The following ZAN variants were observed in gnomAD, a reference collection of about 807,000 sequenced individuals.
ZAN encodes the protein zonadhesin.
In ZAN, 260 loss-of-function variants were observed where a neutral mutation model predicts 286.2. That is an observed-to-expected ratio of 0.91 (90% confidence interval 0.82 to 1.01). The LOEUF (loss-of-function observed/expected upper bound fraction) is 1.01. Ranked by LOEUF, ZAN falls within the 50% of genes least tolerant of loss-of-function variation. ZAN has a pLI of 0.00. For missense variants in ZAN, 3,410 were observed against 3,639.2 expected (o/e 0.94, Z 1.62); for synonymous variants, 1,368 against 1,417.5 (o/e 0.97, Z 0.79).
rs1320007162 is a variant in ZAN, at chr7:100,734,676, GAA to G, written c.53+457_53+458del. ...AGGAAGGGGGAAACCCGGTGGGATG[GAA>G]ATGGGTTGACCTTGACTGCTGAACA... is the stretch of plus-strand genomic sequence containing the variant. On this transcript the variant is annotated intron_variant, in intron 2 of 47. Coordinates refer to ENST00000613979, the MANE Select transcript of ZAN (RefSeq NM_003386.3). 2.1e-5 allele frequency among the ~76,000 whole-genome samples: 3 copies of G among 140,128 alleles called. 1 individual carries two copies. The highest frequency in any genetic ancestry group is 7.8e-5 in the African/African-American group (3 of 38,370). 91.9% of individuals were successfully genotyped at this position (140,128 alleles called of 152,430 possible).
At chr7:100,754,700 C>T (rs1383119913) in intron 14 of ZAN, among the ~76,000 whole-genome samples, 1 of 151,700 alleles carries the variant, frequency 6.6e-6, no homozygotes, top group Non-Finnish European at 1.5e-5. Flanking sequence ...AACGGGGTTT[C>T]ACCATGTTGG....
At position 100,752,568 on chromosome 7, in the gene ZAN, A is replaced by AC; in HGVS notation, c.2466dup (p.Thr823HisfsTer5). ...AAAAACCCAGCATCCCCATGGAAAA[A>AC]CCCACTCTCCCCACTGAAGAAACCA... On this transcript the variant is annotated frameshift_variant, in exon 14 of 48. Transcript: ENST00000613979. LOFTEE classifies it high-confidence loss of function. The AC allele has an allele frequency of 6.2e-7, 1 of 1,612,174 alleles. No individual in the cohort carries two copies. Among genetic ancestry groups the AC allele is most frequent in the African/African-American group, 1.3e-5 (1 of 74,404 alleles).
At chr7:100,770,147 G>A (rs1248563093) in intron 28 of ZAN, among the ~76,000 whole-genome samples, 173 bp downstream of exon 28, 3 of 151,912 alleles carry the variant, frequency 2.0e-5, no homozygotes, top group African/African-American at 7.3e-5. Flanking sequence ...TATGACTGAT[G>A]GGTCTGTATT....
intron 7 of ZAN, among the ~76,000 whole-genome samples, chr7:100,745,396 C>G (rs1421187333): frequency 6.6e-6 from 1 of 151,700 alleles, no homozygotes; most frequent in Middle Eastern, 3.2e-3. Flanking sequence ...GAGCGCGCTC[C>G]CCACGAGTGG....
chr7:100,765,262 C>G, intron 22 of ZAN, 90 bp from the exon 23 acceptor site: 1 of 1,394,146 alleles, frequency 7.2e-7, no homozygotes, highest in Non-Finnish European at 9.9e-7. Context: ...AAGCCTGGAG[C>G]TGGGGCCCTT....
chr7:100,789,265 G>A lies in ZAN; in HGVS notation c.7275G>A (p.Leu2425=), dbSNP rs778957466. Reference sequence around the variant, plus strand: ...TCCCCTACAGGCCAAATGAACACCTGCGGGTCACCCTGTGGGGCCAACGGC... The same window carrying A: ...TCCCCTACAGGCCAAATGAACACCTACGGGTCACCCTGTGGGGCCAACGGC... ...MAVPYRPNEH[L]RVTLWGQRLY... is the part of the protein sequence containing the mutation. The change falls in exon 39 of 48, where the codon CTG becomes CTA. Residue 2425 remains leucine (L), a synonymous_variant. Transcript: ENST00000613979. The A allele has an allele frequency of 3.1e-6, 5 of 1,613,918 alleles. No individual in the cohort carries two copies. Among genetic ancestry groups the A allele is most frequent in the Admixed American group, 1.7e-5 (1 of 59,994 alleles).
At chr7:100,761,597 G>C (rs963635931) in intron 19 of ZAN, among the ~76,000 whole-genome samples, 1 of 152,056 alleles carries the variant, frequency 6.6e-6, no homozygotes, top group African/African-American at 2.4e-5. Context: ...TTGCACCACT[G>C]TGCTCCAGCC....
In ZAN at chr7:100,773,295, C is replaced by T. The variant is rs773544090; in HGVS notation, c.5436C>T (p.Cys1812=). Residue 1812 remains cysteine (C), a synonymous_variant, in exon 30 of 48, where the codon TGC becomes TGT. Coordinates refer to ENST00000613979, the MANE Select transcript of ZAN (RefSeq NM_003386.3). ...TCTCATTTTCTTTAGCTATGAGGTGCCCACCTGGCAGCAGCTACAGCCCCT... is the reference window on the plus strand; with the variant it reads ...TCTCATTTTCTTTAGCTATGAGGTGTCCACCTGGCAGCAGCTACAGCCCCT... ...WRNRTFCPMR[C]PPGSSYSPCS... 3.1e-6 allele frequency: 5 copies of T among 1,613,144 alleles called. No individual in the cohort carries two copies. In the African/African-American group the frequency reaches 6.7e-5, roughly 22 times the overall value.
chr7:100,776,371 A>AGAAG (rs2116177105), intron 33 of ZAN, 69 bp from the exon 34 acceptor site: 1 of 1,511,696 alleles, frequency 6.6e-7, no homozygotes, highest in Non-Finnish European at 8.9e-7. Flanking sequence ...AGGGAAGGAA[A>AGAAG]GAAGGAAGGA....
Position 100,762,334 on chromosome 7 carries a change from A to G in ZAN, c.3962A>G (p.Gln1321Arg). The G allele has an allele frequency of 6.2e-7, 1 of 1,612,970 alleles. No homozygotes were observed. Among genetic ancestry groups the G allele is most frequent in the South Asian group, 1.1e-5 (1 of 91,020 alleles). Residue 1321 changes from glutamine to arginine, a missense_variant, in exon 20 of 48, where the codon CAG becomes CGG. Gln to Arg is a conservative substitution (Grantham distance 43). Transcript: ENST00000613979. ...AAGGAGGAGCTGGGGAACAGCTGGC[A>G]GACGGACCAGGACGAGGACCAGGAG... ...GDKEELGNSW[Q>R]TDQDEDQECQ...
intron 34 of ZAN, 84 bp from the exon 35 acceptor site, chr7:100,779,362 A>T: frequency 7.2e-7 from 1 of 1,390,954 alleles, no homozygotes; most frequent in Non-Finnish European, 9.6e-7. Flanking sequence ...TGGGTGACAG[A>T]GCAAGACTCC....
intron 44 of ZAN, among the ~76,000 whole-genome samples, chr7:100,794,651 T>C (rs780666152): frequency 6.6e-6 from 1 of 151,944 alleles, no homozygotes; most frequent in African/African-American, 2.4e-5. Context: ...CTGGGCAATA[T>C]AGGGAGACAT....
intron 39 of ZAN, among the ~76,000 whole-genome samples, chr7:100,790,088 A>G (rs1480318766): frequency 6.6e-6 from 1 of 151,744 alleles, no homozygotes; most frequent in African/African-American, 2.4e-5. Flanking sequence ...GCAAGATCCC[A>G]TCTCTATAAA....
chr7:100,758,550 G>A lies in ZAN; in HGVS notation c.3471G>A (p.Leu1157=). The A allele has an allele frequency of 6.4e-7, 1 of 1,561,700 alleles. No homozygotes were observed. Among genetic ancestry groups the A allele is most frequent in the East Asian group, 2.4e-5 (1 of 41,704 alleles). ...CHPYAGTATC[L]VYGDPHYVTF... ...TCCCAGCAGGCACTGCCACCTGCTT[G>A]GTCTACGGAGACCCTCATTATGTCA... The change falls in exon 17 of 48, where the codon TTG becomes TTA. Residue 1157 remains leucine (L), a synonymous_variant. Transcript: ENST00000613979.
chr7:100,756,897 T>C (rs1398377417), intron 15 of ZAN, among the ~76,000 whole-genome samples: 1 of 151,808 alleles, frequency 6.6e-6, no homozygotes, highest in Non-Finnish European at 1.5e-5. Flanking sequence ...GACTCCGGAG[T>C]ACCTGGGATT....
intron 15 of ZAN, among the ~76,000 whole-genome samples, chr7:100,756,178 T>C (rs761319337): frequency 3.3e-5 from 5 of 152,194 alleles, no homozygotes; most frequent in African/African-American, 1.2e-4. Flanking sequence ...ATTGTAAAGA[T>C]GAAATTAAGT....
At chr7:100,782,687 G>T (rs200824978) in intron 35 of ZAN, among the ~76,000 whole-genome samples, 1,901 of 76,006 alleles carry the variant, frequency 0.025, 79 homozygotes, top group South Asian at 0.19. Context: ...TTTTTTGTGT[G>T]TGTGTGTGTG....
rs1268228237 is a variant in ZAN at position 100,755,271 on chromosome 7, C to T, written c.3170C>T (p.Ala1057Val). The T allele has an allele frequency of 2.5e-6, 4 of 1,613,880 alleles. No individual in the cohort carries two copies. Among genetic ancestry groups the T allele is most frequent in the East Asian group, 4.5e-5 (2 of 44,876 alleles). The stretch of plus-strand genomic sequence containing the variant: ...CGCTACGAATCCTGTGCTTGTCCTG[C>T]TTCGTGCAAGAGCCCCAGGCCTAGC... ...NARYESCACP[A>V]SCKSPRPSCG... The change falls in exon 15 of 48, where the codon GCT becomes GTT. Residue 1057 changes from alanine to valine, a missense_variant. Coordinates refer to ENST00000613979, the MANE Select transcript of ZAN (RefSeq NM_003386.3).
chr7:100,735,364 T>C (rs1410565940), intron 2 of ZAN, among the ~76,000 whole-genome samples: 1 of 134,792 alleles, frequency 7.4e-6, no homozygotes, highest in Non-Finnish European at 1.6e-5. Context: ...CAGGAGGTCA[T>C]GACCAGCCTG....
Sources: gnomAD v4.1 joint callset for allele counts (sites outside exome capture counted in the v4.1 genomes callset) on GRCh38, gnomAD v4.1.1 for gene constraint, MANE v1.5 for transcripts, NCBI Gene and HGNC (gene_info 2026-07-23, HGNC 2026-07-21) for gene names.